The following CHRM3 variants were observed in gnomAD, a reference collection of about 807,000 sequenced individuals.
The protein encoded by CHRM3 is muscarinic acetylcholine receptor M3.
In CHRM3, 11 loss-of-function variants were observed where a neutral mutation model predicts 41.8. The ratio of observed to expected loss-of-function variants is 0.26; its 90% CI spans 0.17 to 0.44. The LOEUF (loss-of-function observed/expected upper bound fraction) is 0.44, where lower values mean the gene tolerates loss of function less well. Ranked by LOEUF, CHRM3 falls within the 20% of genes least tolerant of loss-of-function variation. The pLI is 1.00. For missense variants in CHRM3, 571 were observed against 745.4 expected, an observed-to-expected ratio of 0.77 and a Z score of 2.72; for synonymous variants, 297 against 301.4, an observed-to-expected ratio of 0.99 and a Z score of 0.15.
In CHRM3 at chr1:239,908,740, A is replaced by G. The variant is rs150946469; in HGVS notation, c.1289A>G (p.Gln430Arg). The G allele has an allele frequency of 5.1e-5, 83 of 1,613,746 alleles. No individual in the cohort carries two copies. The highest frequency in any genetic ancestry group is 2.0e-4 in the Admixed American group (12 of 59,956). ...AAAAGCTTCTCCAAGCTTCCCATCC[A>G]GCTAGAGTCAGCCGTGGACACAGCT... ...FPKSFSKLPI[Q>R]LESAVDTAKT... Residue 430 changes from glutamine (Q) to arginine (R), a missense_variant, in exon 7 of 7, where the codon CAG (glutamine) becomes CGG (arginine). This residue lies in a region of CHRM3 where 239 missense variants were observed against 239.6 expected (regional missense o/e 1.00). Coordinates refer to ENST00000676153, the MANE Select transcript of CHRM3 (RefSeq NM_001375978.1). The surrounding 1 kb of genome is among the most constrained non-coding windows in gnomAD (Gnocchi z 7.2).
intron 5 of CHRM3, among the ~76,000 whole-genome samples, chr1:239,678,999 A>T (rs908823383): frequency 6.6e-6 from 1 of 150,562 alleles, no homozygotes. Flanking sequence ...ACTGTTTGTG[A>T]GTATGTAACA....
chr1:239,537,981 A>G (rs921286222), intron 2 of CHRM3, among the ~76,000 whole-genome samples: 6 of 152,238 alleles, frequency 3.9e-5, no homozygotes, highest in East Asian at 1.9e-4. Context: ...ATGCGTGTAA[A>G]TGAGTCATAA....
At chr1:239,551,410 C>T (rs1455684614) in intron 3 of CHRM3, among the ~76,000 whole-genome samples, 1 of 151,638 alleles carries the variant, frequency 6.6e-6, no homozygotes, top group Non-Finnish European at 1.5e-5. Context: ...AATCCACCCA[C>T]CTCAACCTCC....
chr1:239,591,124 T>A (rs192962637), intron 3 of CHRM3, among the ~76,000 whole-genome samples: 3 of 152,312 alleles, frequency 2.0e-5, no homozygotes, highest in Admixed American at 6.5e-5. Context: ...CATTCAAATA[T>A]TTATCTCTAG....
chr1:239,656,248 G>A (rs1375128901), intron 4 of CHRM3, among the ~76,000 whole-genome samples: 1 of 151,844 alleles, frequency 6.6e-6, no homozygotes, highest in Non-Finnish European at 1.5e-5. Context: ...CCTAAACCTC[G>A]ACATCACACA....
intron 1 of CHRM3, among the ~76,000 whole-genome samples, chr1:239,457,807 T>A (rs1367614220): frequency 6.6e-6 from 1 of 152,182 alleles, no homozygotes; most frequent in Non-Finnish European, 1.5e-5. Context: ...TTTTGAAGGA[T>A]ATGAGAAAAA....
chr1:239,766,860 C>T (rs144375179), intron 5 of CHRM3, among the ~76,000 whole-genome samples: 17 of 152,110 alleles, frequency 1.1e-4, no homozygotes, highest in Admixed American at 5.2e-4. Context: ...TACAGGCACA[C>T]GCCACCATGC....
intron 4 of CHRM3, among the ~76,000 whole-genome samples, chr1:239,662,884 T>TCCC (rs1673348228): frequency 8.4e-6 from 1 of 119,488 alleles, no homozygotes; most frequent in African/African-American, 3.3e-5. Context: ...CTTTCTCCTC[T>TCCC]TCCTCCTCCT....
rs528294629 is a variant in CHRM3 at position 239,622,204 on chromosome 1, C to T, written c.-312-10020C>T. Among the ~76,000 whole-genome samples the T allele has an allele frequency of 8.2e-4, 125 of 152,242 alleles. 1 individual carries two copies. The Middle Eastern group carries it at 0.01, about 12-fold the overall frequency. ...AAAATATTACTATTCACTGACAATG[C>T]ATCTACTCGTCCAATAGCTCTCATT... On this transcript the variant is annotated intron_variant, in intron 3 of 6. Coordinates refer to ENST00000676153, the MANE Select transcript of CHRM3 (RefSeq NM_001375978.1).
chr1:239,424,729 C>G (rs1335886767), intron 1 of CHRM3, among the ~76,000 whole-genome samples: 1 of 152,140 alleles, frequency 6.6e-6, no homozygotes, highest in Non-Finnish European at 1.5e-5. Flanking sequence ...TGTACAGACT[C>G]CACTCAATGG....
intron 3 of CHRM3, among the ~76,000 whole-genome samples, chr1:239,565,817 A>G (rs1331361904): frequency 6.6e-6 from 1 of 152,014 alleles, no homozygotes; most frequent in Non-Finnish European, 1.5e-5. Flanking sequence ...GTTTTATATC[A>G]CTTCCAATAG....
At chr1:239,597,967 A>G (rs1665001389) in intron 3 of CHRM3, among the ~76,000 whole-genome samples, 1 of 151,358 alleles carries the variant, frequency 6.6e-6, no homozygotes. Context: ...ACAAGGCAAG[A>G]GTTCAGAGGA....
chr1:239,764,699 A>C (rs1312900366), intron 5 of CHRM3, among the ~76,000 whole-genome samples: 2 of 152,270 alleles, frequency 1.3e-5, no homozygotes, highest in Non-Finnish European at 1.5e-5. Flanking sequence ...CAACTATGGG[A>C]AAATGAGCTG....
At chr1:239,676,693 G>A (rs190908672) in intron 4 of CHRM3, among the ~76,000 whole-genome samples, 2 of 152,268 alleles carry the variant, frequency 1.3e-5, no homozygotes, top group Admixed American at 6.5e-5. Context: ...GTGGTATTGG[G>A]CAAGCTCCTT....
At chr1:239,526,373 T>G (rs912440560) in intron 2 of CHRM3, among the ~76,000 whole-genome samples, 2 of 152,322 alleles carry the variant, frequency 1.3e-5, no homozygotes, top group Middle Eastern at 3.4e-3. Flanking sequence ...GGTTTTACTG[T>G]CAATGAACAA....
At chr1:239,552,507 T>TATATA (rs1553325442) in intron 3 of CHRM3, among the ~76,000 whole-genome samples, 264 of 145,882 alleles carry the variant, frequency 1.8e-3, no homozygotes, top group African/African-American at 6.3e-3. Context: ...AATATATATT[T>TATATA]TATATATATA....
intron 3 of CHRM3, among the ~76,000 whole-genome samples, chr1:239,594,972 C>A (rs974883736): frequency 6.6e-6 from 1 of 152,148 alleles, no homozygotes; most frequent in East Asian, 1.9e-4. Flanking sequence ...TCCTGTAATC[C>A]CAGATACTTG....
At chr1:239,762,274 C>T (rs920714621) in intron 5 of CHRM3, among the ~76,000 whole-genome samples, 1 of 152,174 alleles carries the variant, frequency 6.6e-6, no homozygotes, top group Non-Finnish European at 1.5e-5. Context: ...ATTGTGACTT[C>T]ATCTGCAGTT....
At chr1:239,670,277 A>G (rs1264831580) in intron 4 of CHRM3, among the ~76,000 whole-genome samples, 1 of 152,090 alleles carries the variant, frequency 6.6e-6, no homozygotes, top group East Asian at 1.9e-4. Context: ...GCCCCAGGAA[A>G]AATGCTTTTC....
Sources: allele counts gnomAD v4.1 joint callset (sites outside exome capture counted in the v4.1 genomes callset), GRCh38; gene constraint gnomAD v4.1.1; regional missense constraint gnomAD v4.1.1; non-coding constraint Gnocchi (gnomAD v3.1); transcripts MANE v1.5; gene names NCBI Gene and HGNC (gene_info 2026-07-23, HGNC 2026-07-21).